The following MX1 variants were observed in gnomAD, a reference collection of about 807,000 sequenced individuals.
The protein encoded by MX1 is MX dynamin like GTPase 1.
MX1 carries 66 observed loss-of-function variants against 66.4 expected under a neutral mutation model. That is an observed-to-expected ratio of 0.99 (90% CI 0.82 to 1.22). The LOEUF (loss-of-function observed/expected upper bound fraction) is 1.22, where lower values mean the gene tolerates loss of function less well. Ranked by LOEUF, MX1 falls within the 50% of genes most tolerant of loss-of-function variation. The pLI is 0.00. For missense variants in MX1, 787 were observed against 834.3 expected (o/e 0.94, Z 0.70); for synonymous variants, 311 against 318.1 (o/e 0.98, Z 0.24).
chr21:41,455,404 G>A (rs1236784235), intron 16 of MX1, among the ~76,000 whole-genome samples: 3 of 152,186 alleles, frequency 2.0e-5, no homozygotes, highest in East Asian at 3.8e-4. Flanking sequence ...ACACCTGTCC[G>A]CTGCTTCCAC....
In MX1 at chr21:41,434,501, T is replaced by C. The variant is rs372559948; in HGVS notation, c.106-1336T>C. On this transcript the variant is annotated intron_variant, in intron 5 of 16. Coordinates refer to ENST00000398598, the MANE Select transcript of MX1 (RefSeq NM_002462.5). ...CATCTTGCTATTTGTTTTCTATTTG[T>C]CCCGTCTGTTCTTCGTTCCCCCTTT... Among the ~76,000 whole-genome samples the C allele has an allele frequency of 7.2e-5, 11 of 152,254 alleles. 1 individual carries two copies. The highest frequency in any genetic ancestry group is 5.2e-4 in the Admixed American group (8 of 15,288).
At position 41,441,796 on chromosome 21, in the gene MX1, C is replaced by G. The variant is rs1461608020; in HGVS notation, c.811C>G (p.Leu271Val). 1.2e-6 allele frequency: 2 copies of G among 1,614,148 alleles called. No homozygotes were observed. The highest frequency in any genetic ancestry group is 1.7e-6 in the Non-Finnish European group (2 of 1,180,036). ...VDVVRNLVFHLKKGYMIVKCR... is the reference protein window; with the variant it reads ...VDVVRNLVFHVKKGYMIVKCR... ...CGTGGTGCGGAACCTCGTGTTCCAC[C>G]TGAAGAAGGGTTACATGATTGTCAA... The change falls in exon 10 of 17, where the codon CTG becomes GTG. Residue 271 changes from leucine to valine, a missense_variant. Coordinates refer to ENST00000398598, the MANE Select transcript of MX1 (RefSeq NM_002462.5). The surrounding 1 kb of genome is among the most constrained non-coding windows in gnomAD (Gnocchi z 4.0).
chr21:41,432,289 C>G, intron 5 of MX1, 114 bp downstream of exon 5: 1 of 922,378 alleles, frequency 1.1e-6, no homozygotes, highest in Non-Finnish European at 1.7e-6. Flanking sequence ...TCTCGCCTCT[C>G]CTGTGCCAGG....
chr21:41,441,134 T>C lies in MX1; in HGVS notation c.730+109T>C. 1 of 1,158,176 alleles carries C rather than the reference T, an allele frequency of 8.6e-7. No homozygotes were observed. 71.7% of individuals were successfully genotyped at this position (1,158,176 alleles called of 1,614,324 possible). ...CTCGGTGAGAATGGGGGAGCCCGCC[T>C]GTGCTCGGTGAGAATGGGGGAGCCC... On this transcript the variant is annotated intron_variant, in intron 9 of 16. Coordinates refer to ENST00000398598, the MANE Select transcript of MX1 (RefSeq NM_002462.5). The surrounding 1 kb of genome is among the most constrained non-coding windows in gnomAD (Gnocchi z 4.0).
intron 13 of MX1, among the ~76,000 whole-genome samples, chr21:41,447,448 A>G (rs1350624434): frequency 6.6e-6 from 1 of 152,248 alleles, no homozygotes; most frequent in Non-Finnish European, 1.5e-5. Flanking sequence ...AGCCACAGAC[A>G]GGCACAGAGT....
At position 41,435,970 on chromosome 21, in the gene MX1, G is replaced by A; in HGVS notation, c.239G>A (p.Ser80Asn). 2 of 1,614,238 alleles carry A rather than the reference G, an allele frequency of 1.2e-6. No individual in the cohort carries two copies. Among genetic ancestry groups the A allele is most frequent in the Non-Finnish European group, 8.5e-7 (1 of 1,180,034 alleles). ...GCCATCGCCGTCATCGGGGACCAGA[G>A]CTCGGGCAAGAGCTCCGTGTTGGAG... The part of the protein sequence containing the change: ...LPAIAVIGDQ[S>N]SGKSSVLEAL... Residue 80 changes from serine (S) to asparagine (N), a missense_variant, in exon 6 of 17, where the codon AGC (serine) becomes AAC (asparagine). Physicochemically the swap from Ser to Asn is conservative, Grantham distance 46. Transcript: ENST00000398598.
At chr21:41,442,678 C>T (rs1008282316) in intron 10 of MX1, 5 of 152,366 alleles carry the variant, frequency 3.3e-5, no homozygotes, top group African/African-American at 9.6e-5. Context: ...CTGTTCTGCA[C>T]ATTCACAATT....
chr21:41,425,589 A>C (rs1254635842), upstream of MX1, among the ~76,000 whole-genome samples: 1 of 152,104 alleles, frequency 6.6e-6, no homozygotes, highest in Non-Finnish European at 1.5e-5. Context: ...ACTATTACCT[A>C]TGTTATGTTT....
intron 15 of MX1, 144 bp downstream of exon 15, chr21:41,451,387 T>C: frequency 1.5e-6 from 1 of 675,088 alleles, no homozygotes; most frequent in Non-Finnish European, 2.6e-6. Context: ...TAGTGCTTCT[T>C]CTGATGTTAC....
Position 41,440,889 on chromosome 21 carries a change from C to T in MX1, c.594C>T (p.Ile198=), listed in dbSNP as rs2146212624. 6.2e-7 allele frequency: 1 copy of T among 1,614,152 alleles called. No individual in the cohort carries two copies. Among genetic ancestry groups the T allele is most frequent in the Non-Finnish European group, 8.5e-7 (1 of 1,180,016 alleles). The change falls in exon 9 of 17, where the codon ATC becomes ATT. Residue 198 remains isoleucine, a splice_region_variant and synonymous_variant. Transcript: ENST00000398598. ...CACCTCCTCTCATTTCCTTACAGATCAAGACACTCATCAAGAAGTACATCC... is the reference window on the plus strand; with the variant it reads ...CACCTCCTCTCATTTCCTTACAGATTAAGACACTCATCAAGAAGTACATCC... ...GNQPADIGYK[I]KTLIKKYIQR...
intron 16 of MX1, among the ~76,000 whole-genome samples, chr21:41,454,421 A>G (rs1303386409): frequency 6.6e-6 from 1 of 152,142 alleles, no homozygotes; most frequent in African/African-American, 2.4e-5. Context: ...CCTAAACTCC[A>G]AAAGGGCCTG....
At chr21:41,438,965 T>C (rs1174132345) in intron 7 of MX1, among the ~76,000 whole-genome samples, 1 of 152,158 alleles carries the variant, frequency 6.6e-6, no homozygotes, top group Non-Finnish European at 1.5e-5. Flanking sequence ...TATCTCTGCC[T>C]TTGTAAGCAC....
At chr21:41,424,630 A>G (rs1490720867), upstream of MX1, among the ~76,000 whole-genome samples, 2 of 152,176 alleles carry the variant, frequency 1.3e-5, no homozygotes, top group Non-Finnish European at 2.9e-5. Flanking sequence ...GGGAAATGCC[A>G]TCTCCCACTC....
chr21:41,458,362 A>T (rs2091004335), intron 16 of MX1, among the ~76,000 whole-genome samples, 166 bp from the exon 17 acceptor site: 1 of 149,808 alleles, frequency 6.7e-6, no homozygotes, highest in Admixed American at 6.7e-5. Flanking sequence ...CCTCTCTGCC[A>T]CCACCATGGA....
chr21:41,458,422 T>G, intron 16 of MX1, 106 bp from the exon 17 acceptor site: 2 of 1,346,802 alleles, frequency 1.5e-6, no homozygotes, highest in Admixed American at 1.9e-5. Context: ...CCTGCGAGGG[T>G]CTCCCTCATT....
chr21:41,428,950 T>C (rs2062140577), intron 3 of MX1: 1 of 152,182 alleles, frequency 6.6e-6, no homozygotes, highest in Non-Finnish European at 1.5e-5. Flanking sequence ...GAGAAGAGCC[T>C]GGTGCATAAC....
chr21:41,444,184 A>C (rs945727405), intron 11 of MX1, among the ~76,000 whole-genome samples: 3 of 152,084 alleles, frequency 2.0e-5, no homozygotes, highest in African/African-American at 7.2e-5. Flanking sequence ...CCACTATTAT[A>C]ATGTCTTAGT....
At chr21:41,451,081 A>G in intron 14 of MX1, 86 bp from the exon 15 acceptor site, 2 of 894,432 alleles carry the variant, frequency 2.2e-6, no homozygotes, top group Non-Finnish European at 3.7e-6. Context: ...TTTACTTCAT[A>G]CCATTTGATC....
rs1193555885 is a variant in MX1, at chr21:41,446,057, G to C, written c.1189G>C (p.Gly397Arg). ...TCTCATGCAAGGAGAGGAAACTGTA[G>C]GGGAGGAAGACATTCGGCTGTTTAC... The part of the protein sequence containing the change: ...TALMQGEETV[G>R]EEDIRLFTRL... The change falls in exon 13 of 17, where the codon GGG (glycine) becomes CGG (arginine). Residue 397 changes from glycine to arginine, a missense_variant. Transcript: ENST00000398598. 6.2e-7 allele frequency: 1 copy of C among 1,614,206 alleles called. No individual in the cohort carries two copies. Among genetic ancestry groups the C allele is most frequent in the South Asian group, 1.1e-5 (1 of 91,086 alleles).
Sources: allele counts gnomAD v4.1 joint callset (sites outside exome capture counted in the v4.1 genomes callset), GRCh38; gene constraint gnomAD v4.1.1; non-coding constraint Gnocchi (gnomAD v3.1); transcripts MANE v1.5; gene names NCBI Gene and HGNC (gene_info 2026-07-23, HGNC 2026-07-21).